Variants in CPXM2 observed in about 807,000 individuals in gnomAD.
The protein encoded by CPXM2 is carboxypeptidase X, M14 family member 2, also known as inactive carboxypeptidase-like protein X2.
CPXM2 carries 66 observed loss-of-function variants against 86.1 expected under a neutral mutation model. The observed-to-expected ratio is 0.77, with a 90% CI of 0.63 to 0.94. The LOEUF (loss-of-function observed/expected upper bound fraction) is 0.94, where lower values mean the gene tolerates loss of function less well. CPXM2 is among the 40% of genes least tolerant of loss of function. CPXM2 has a pLI of 0.00. For missense variants in CPXM2, 948 were observed against 1,026.3 expected, an observed-to-expected ratio of 0.92 and a Z score of 1.04; for synonymous variants, 388 against 400.2, an observed-to-expected ratio of 0.97 and a Z score of 0.36.
chr10:123,862,009 G>A (rs1848859506), intron 3 of CPXM2, among the ~76,000 whole-genome samples: 1 of 152,182 alleles, frequency 6.6e-6, no homozygotes. Context: ...GCAGGCAGGA[G>A]CTCACCTTCC....
At chr10:123,761,220 C>G (rs1413000379) in intron 11 of CPXM2, among the ~76,000 whole-genome samples, 1 of 152,184 alleles carries the variant, frequency 6.6e-6, no homozygotes, top group Non-Finnish European at 1.5e-5. Flanking sequence ...AGCACACAGT[C>G]GGCGTTGACC....
At chr10:123,761,750 C>T in intron 11 of CPXM2, 122 bp downstream of exon 11, 1 of 931,116 alleles carries the variant, frequency 1.1e-6, no homozygotes, top group Non-Finnish European at 1.6e-6. Flanking sequence ...GTCCTAAGTG[C>T]TCCACCGTGG....
chr10:123,933,351 G>A lies in CPXM2; in HGVS notation n.174+6126C>T, dbSNP rs1590129048. Among the ~76,000 whole-genome samples, 3 of 152,208 alleles carry A rather than the reference G, an allele frequency of 2.0e-5. No homozygotes were observed. The South Asian group carries it at 6.2e-4, about 31-fold the overall frequency. On this transcript the variant is annotated intron_variant and non_coding_transcript_variant, in intron 2 of 19. Transcript: ENST00000368854. ...CTGATCCTTTGACGGCAGTGGGGAT[G>A]CTCAAGATGGATGAGCTATTAGAGG...
chr10:123,794,953 A>G (rs987271548), intron 6 of CPXM2, among the ~76,000 whole-genome samples: 2 of 152,102 alleles, frequency 1.3e-5, no homozygotes, highest in Non-Finnish European at 2.9e-5. Flanking sequence ...TATTTTTAGT[A>G]GAGACGGGGT....
At chr10:123,923,458 G>C (rs1008448246) in intron 2 of CPXM2, among the ~76,000 whole-genome samples, 1 of 150,808 alleles carries the variant, frequency 6.6e-6, no homozygotes, top group African/African-American at 2.5e-5. Context: ...GCGGGCGCCT[G>C]TAGTCCCAGC....
At chr10:123,940,251 C>T (rs1430737422) in exon 1 of CPXM2, 1 of 152,320 alleles carries the variant, frequency 6.6e-6, no homozygotes, top group African/African-American at 2.4e-5. Flanking sequence ...ACCTCCATGC[C>T]TCTTCTTTAC....
chr10:123,937,952 G>C (rs956993469), intron 2 of CPXM2, among the ~76,000 whole-genome samples: 1 of 152,118 alleles, frequency 6.6e-6, no homozygotes, highest in Non-Finnish European at 1.5e-5. Context: ...GGGAAGCGTG[G>C]AAGCAGCTCT....
At chr10:123,818,583 C>G (rs1847861195) in intron 4 of CPXM2, among the ~76,000 whole-genome samples, 1 of 152,182 alleles carries the variant, frequency 6.6e-6, no homozygotes, top group African/African-American at 2.4e-5. Flanking sequence ...TCACGGAATG[C>G]CTTATCCACT....
intron 6 of CPXM2, among the ~76,000 whole-genome samples, chr10:123,790,603 C>T (rs1847184593): frequency 6.6e-6 from 1 of 152,128 alleles, no homozygotes; most frequent in Non-Finnish European, 1.5e-5. Flanking sequence ...GGGAAGCTGC[C>T]TTCTGCTGCT....
intron 2 of CPXM2, among the ~76,000 whole-genome samples, chr10:123,925,017 T>C (rs1448660727): frequency 6.6e-6 from 1 of 152,100 alleles, no homozygotes; most frequent in African/African-American, 2.4e-5. Flanking sequence ...TTTTATTGTA[T>C]CACAATAAGA....
Position 123,754,262 on chromosome 10 carries a change from C to G in CPXM2, c.2017+401G>C, listed in dbSNP as rs1489108667. On this transcript the variant is annotated intron_variant, in intron 13 of 13. Transcript: ENST00000241305. This position sits in a 1 kb window ranked among gnomAD's most constrained non-coding sequence, Gnocchi z 4.0. ...ACAAGTCACCCAGTCTACAGCTTCT[C>G]CCTCTCCGGAGCAGCCTGGCTCCCT... 6.6e-6 allele frequency among the ~76,000 whole-genome samples: 1 copy of G among 152,204 alleles called. No individual in the cohort carries two copies. The highest frequency in any genetic ancestry group is 1.5e-5 in the Non-Finnish European group (1 of 68,034).
chr10:123,788,244 C>T (rs1338305621), intron 6 of CPXM2, among the ~76,000 whole-genome samples: 7 of 146,032 alleles, frequency 4.8e-5, no homozygotes, highest in Admixed American at 2.1e-4. Flanking sequence ...CATGCCACTG[C>T]ACTCCAGCCT....
At chr10:123,756,478 G>A (rs1245608657) in intron 12 of CPXM2, among the ~76,000 whole-genome samples, 6 of 152,212 alleles carry the variant, frequency 3.9e-5, no homozygotes, top group East Asian at 1.9e-4. Context: ...AGAGCCCAGC[G>A]GTACTTGTTA....
chr10:123,749,202 A>C (rs1398135841), intron 13 of CPXM2, among the ~76,000 whole-genome samples: 1 of 151,728 alleles, frequency 6.6e-6, no homozygotes, highest in Non-Finnish European at 1.5e-5. Flanking sequence ...GGGGCGCTGG[A>C]CGTTGGAGGC....
intron 4 of CPXM2, among the ~76,000 whole-genome samples, chr10:123,808,390 A>AACAACC (rs1255453616): frequency 2.1e-5 from 3 of 140,590 alleles, no homozygotes; most frequent in African/African-American, 3.1e-5. Context: ...CAACAACAAC[A>AACAACC]ACCAGCTGTT....
At chr10:123,786,083 C>T in intron 6 of CPXM2, among the ~76,000 whole-genome samples, 1 of 152,224 alleles carries the variant, frequency 6.6e-6, no homozygotes, top group East Asian at 1.9e-4. Context: ...ATGATCCCAT[C>T]TTGGGCTAGA....
chr10:123,766,828 T>C (rs1402744842), intron 10 of CPXM2, 145 bp downstream of exon 10: 1 of 626,680 alleles, frequency 1.6e-6, no homozygotes, highest in South Asian at 2.1e-5. Context: ...GTAGTTATTA[T>C]CTAGCATACT....
intron 6 of CPXM2, among the ~76,000 whole-genome samples, chr10:123,792,524 G>A (rs922318147): frequency 6.6e-6 from 1 of 152,194 alleles, no homozygotes; most frequent in African/African-American, 2.4e-5. Context: ...AAGCCCCAGA[G>A]ACAGGAAGCC....
At chr10:123,854,201 A>G (rs1021823667) in intron 3 of CPXM2, among the ~76,000 whole-genome samples, 1 of 150,548 alleles carries the variant, frequency 6.6e-6, no homozygotes, top group Admixed American at 6.6e-5. Flanking sequence ...GGGGGTGACT[A>G]CTGATGCCTC....
Sources: allele counts gnomAD v4.1 joint callset (sites outside exome capture counted in the v4.1 genomes callset), GRCh38; gene constraint gnomAD v4.1.1; non-coding constraint Gnocchi (gnomAD v3.1); transcripts MANE v1.5; gene names NCBI Gene and HGNC (gene_info 2026-07-23, HGNC 2026-07-21).